TCF20: variants seen among roughly 807,000 people sequenced by gnomAD.
TCF20 encodes SPRE-binding protein.
In TCF20, 3 loss-of-function variants were observed where a neutral mutation model predicts 148.6. That is an observed-to-expected ratio of 0.02 (90% CI 0.01 to 0.05). The LOEUF (loss-of-function observed/expected upper bound fraction) is 0.05. Ranked by LOEUF, TCF20 falls within the 10% of genes least tolerant of loss-of-function variation. The pLI, the probability that TCF20 is intolerant of heterozygous loss-of-function variation, is 1.00. For synonymous variants in TCF20, 1,049 were observed against 909.5 expected (o/e 1.15, Z -2.76); for missense variants, 2,350 against 2,429.3 (o/e 0.97, Z 0.69).
intron 3 of TCF20, among the ~76,000 whole-genome samples, chr22:42,176,745 G>A (rs1158624889): frequency 1.3e-5 from 2 of 152,128 alleles, no homozygotes; most frequent in African/African-American, 2.4e-5. Flanking sequence ...AGCCAGGCAC[G>A]GAAAGTTAAA....
rs1417393699 is a variant in TCF20, at chr22:42,308,295, G to A, written c.-37+35184C>T. Among the ~76,000 whole-genome samples the A allele has an allele frequency of 2.0e-5, 3 of 152,094 alleles. No homozygotes were observed. The East Asian group carries it at 5.8e-4, about 29-fold the overall frequency. ...CAAGTGAGAGAGAGAGCTCGAGGAGGAAAATGTTCACCAGCCTAGAGGTTT... is the reference window on the plus strand; with the variant it reads ...CAAGTGAGAGAGAGAGCTCGAGGAGAAAAATGTTCACCAGCCTAGAGGTTT... On this transcript the variant is annotated intron_variant, in intron 1 of 1. Transcript: ENST00000515426.
intron 1 of TCF20, among the ~76,000 whole-genome samples, chr22:42,332,127 A>G (rs1012341566): frequency 6.6e-6 from 1 of 152,238 alleles, no homozygotes; most frequent in Non-Finnish European, 1.5e-5. Context: ...GAGCAGATGC[A>G]TAACAGATAA....
chr22:42,310,505 G>A lies in TCF20; in HGVS notation c.-37+32974C>T, dbSNP rs556941758. Reference sequence around the variant, plus strand: ...AACAGGAATCCAGCCAGGGGGGCGCGTGGGCTCAGAGGAAGCAGTGTTTCA... The same window carrying A: ...AACAGGAATCCAGCCAGGGGGGCGCATGGGCTCAGAGGAAGCAGTGTTTCA... On this transcript the variant is annotated intron_variant, in intron 1 of 1. Transcript: ENST00000515426. 2.6e-4 allele frequency among the ~76,000 whole-genome samples: 39 copies of A among 152,264 alleles called. No homozygotes were observed. In the East Asian group the frequency reaches 6.0e-3, roughly 23 times the overall value.
chr22:42,182,261 C>CT (rs1192547842), intron 2 of TCF20, among the ~76,000 whole-genome samples: 4 of 152,200 alleles, frequency 2.6e-5, no homozygotes, highest in African/African-American at 9.7e-5. Flanking sequence ...ACCTCTGTTC[C>CT]TCAACCTACA....
chr22:42,233,356 C>T (rs376893477), intron 1 of TCF20, among the ~76,000 whole-genome samples: 94 of 152,318 alleles, frequency 6.2e-4, no homozygotes, highest in African/African-American at 2.1e-3. Flanking sequence ...GTAAGGAAGA[C>T]AGGCTGGGAC....
chr22:42,229,503 C>G (rs17002902), intron 1 of TCF20, among the ~76,000 whole-genome samples: 27,525 of 152,106 alleles, frequency 0.18, 2,723 homozygotes, highest in East Asian at 0.35. Flanking sequence ...GGACACTGTT[C>G]TATCCTGAAA....
rs371550964 is a variant in TCF20, at chr22:42,213,787, G to A, written c.1519C>T (p.Pro507Ser). The A allele has an allele frequency of 6.2e-7, 1 of 1,614,154 alleles. No homozygotes were observed. Among genetic ancestry groups the A allele is most frequent in the Non-Finnish European group, 8.5e-7 (1 of 1,180,042 alleles). Residue 507 changes from proline to serine, a missense_variant, in exon 2 of 6, where the codon CCT becomes TCT. This residue lies in a region of TCF20 where 1,641 missense variants were observed against 1,662.6 expected (regional missense o/e 0.99). Coordinates refer to ENST00000677622, the MANE Select transcript of TCF20 (RefSeq NM_001378418.1). ...ATAGGGGACTTCAGCTGTTCTTCAG[G>A]TTGTGAGGAGCCTTCAGAATTTGTG... ...SCTNSEGSSQPEEQLKSPMAE... is the reference protein window; with the variant it reads ...SCTNSEGSSQSEEQLKSPMAE...
chr22:42,186,519 A>T (rs372464628), intron 2 of TCF20, among the ~76,000 whole-genome samples: 1 of 152,222 alleles, frequency 6.6e-6, no homozygotes, highest in Non-Finnish European at 1.5e-5. Flanking sequence ...AAATTAAGAC[A>T]AACAGTTTAA....
intron 1 of TCF20, among the ~76,000 whole-genome samples, chr22:42,325,827 G>A (rs1569210334): frequency 2.0e-5 from 3 of 152,182 alleles, no homozygotes; most frequent in African/African-American, 7.2e-5. Context: ...GAGCCAGCGC[G>A]CCTCTCTGAG....
At chr22:42,190,165 T>A (rs1298030491) in intron 2 of TCF20, among the ~76,000 whole-genome samples, 1 of 152,044 alleles carries the variant, frequency 6.6e-6, no homozygotes, top group Non-Finnish European at 1.5e-5. Context: ...CAGGGCAAAA[T>A]AACCTGAACA....
intron 1 of TCF20, among the ~76,000 whole-genome samples, chr22:42,324,127 G>GAGGTTA (rs1395056759): frequency 4.8e-4 from 55 of 115,276 alleles, no homozygotes; most frequent in African/African-American, 8.7e-4. Context: ...GGTGGTTATG[G>GAGGTTA]TGGTGGTGGT....
intron 1 of TCF20, among the ~76,000 whole-genome samples, chr22:42,239,271 G>A (rs1470090254): frequency 6.6e-6 from 1 of 151,876 alleles, no homozygotes; most frequent in East Asian, 1.9e-4. Flanking sequence ...GAGAACAGGA[G>A]TTCGAGACCA....
At chr22:42,275,152 G>T (rs1238627869), upstream of TCF20, 2 of 152,296 alleles carry the variant, frequency 1.3e-5, no homozygotes, top group South Asian at 2.1e-4. Context: ...TAGACAGTCA[G>T]TAGGACCAAA....
At chr22:42,265,434 G>C (rs140958829) in intron 1 of TCF20, among the ~76,000 whole-genome samples, 3 of 152,240 alleles carry the variant, frequency 2.0e-5, no homozygotes, top group Non-Finnish European at 4.4e-5. Context: ...TCAGCCTCCT[G>C]AATAGTCTGG....
At chr22:42,242,741 G>A (rs140425706) in intron 1 of TCF20, among the ~76,000 whole-genome samples, 167 of 152,056 alleles carry the variant, frequency 1.1e-3, no homozygotes, top group African/African-American at 3.9e-3. Flanking sequence ...ACAAAACTTG[G>A]CCAAGGGTGG....
At chr22:42,316,500 G>A (rs1380686724) in intron 1 of TCF20, among the ~76,000 whole-genome samples, 4 of 152,176 alleles carry the variant, frequency 2.6e-5, no homozygotes, top group Non-Finnish European at 5.9e-5. Context: ...AGAGAAGGGC[G>A]AGGTGGGCAG....
At chr22:42,304,028 C>G (rs895347065) in intron 1 of TCF20, among the ~76,000 whole-genome samples, 1 of 151,962 alleles carries the variant, frequency 6.6e-6, no homozygotes, top group African/African-American at 2.4e-5. Flanking sequence ...TCTGCCCCAC[C>G]CCCCTGCCGC....
intron 5 of TCF20, among the ~76,000 whole-genome samples, chr22:42,164,308 G>A (rs1320758022): frequency 2.7e-5 from 4 of 150,600 alleles, no homozygotes; most frequent in African/African-American, 7.4e-5. Context: ...TCCACGTCCC[G>A]GGTTCATGCC....
chr22:42,314,863 C>T (rs1431594647), intron 1 of TCF20, among the ~76,000 whole-genome samples: 1 of 152,098 alleles, frequency 6.6e-6, no homozygotes, highest in East Asian at 1.9e-4. Context: ...AGAACCCCTC[C>T]CTCCAGCCCC....
Sources: gnomAD v4.1 joint callset for allele counts (sites outside exome capture counted in the v4.1 genomes callset) on GRCh38, gnomAD v4.1.1 for gene constraint, gnomAD v4.1.1 regional missense constraint, MANE v1.5 for transcripts, NCBI Gene and HGNC (gene_info 2026-07-23, HGNC 2026-07-21) for gene names.